The following CA2 variants were observed in gnomAD, a reference collection of about 807,000 sequenced individuals.
CA2 encodes carbonic anhydrase 2.
A neutral mutation model predicts 27.8 loss-of-function variants in CA2; 23 were observed. The observed-to-expected ratio is 0.83, with a 90% CI of 0.59 to 1.17. The LOEUF (loss-of-function observed/expected upper bound fraction) is 1.17. Ranked by LOEUF, CA2 falls within the 50% of genes most tolerant of loss-of-function variation. The pLI is 0.00. For missense variants in CA2, 300 were observed against 314.7 expected, an observed-to-expected ratio of 0.95 and a Z score of 0.35; for synonymous variants, 99 against 114.9, an observed-to-expected ratio of 0.86 and a Z score of 0.88.
rs549724776 is a variant in CA2, at chr8:85,469,297, C to G, written c.232+3828C>G. Among the ~76,000 whole-genome samples, 52 of 152,276 alleles carry G rather than the reference C, an allele frequency of 3.4e-4. 1 individual carries two copies. The South Asian group carries it at 0.011, about 32-fold the overall frequency. On this transcript the variant is annotated intron_variant, in intron 2 of 6. Coordinates refer to ENST00000285379, the MANE Select transcript of CA2 (RefSeq NM_000067.3). ...TCAATGAGATTTCAGCCTTCTAGAA[C>G]TTCTCATAGATTGAGGTTTTCCAAT...
intron 2 of CA2, among the ~76,000 whole-genome samples, chr8:85,467,865 C>G (rs368241861): frequency 6.6e-6 from 1 of 152,116 alleles, no homozygotes; most frequent in African/African-American, 2.4e-5. Flanking sequence ...CACAGGGTTT[C>G]GGTAGGAGCT....
chr8:85,477,981 G>A (rs1811830765), intron 6 of CA2, among the ~76,000 whole-genome samples: 1 of 152,172 alleles, frequency 6.6e-6, no homozygotes, highest in African/African-American at 2.4e-5. Context: ...ATAGCTTTAG[G>A]AGCCAACAGT....
In CA2 at chr8:85,475,800, T is replaced by A; in HGVS notation, c.447T>A (p.Val149=). ...GLAVLGIFLK[V]GSAKPGLQKV... The stretch of plus-strand genomic sequence containing the variant: ...TTGCCCTTTATGTTTTTCTTTAGGT[T>A]GGCAGCGCTAAACCGGGCCTTCAGA... Residue 149 remains valine (V), a splice_region_variant and synonymous_variant, in exon 5 of 7, where the codon GTT becomes GTA. Coordinates refer to ENST00000285379, the MANE Select transcript of CA2 (RefSeq NM_000067.3). 1 of 1,613,914 alleles carries A rather than the reference T, an allele frequency of 6.2e-7. No homozygotes were observed.
In CA2 at chr8:85,474,398, T is replaced by A; in HGVS notation, c.426T>A (p.Val142=). The part of the protein sequence containing the change: ...KAVQQPDGLA[V]LGIFLKVGSA... Reference sequence around the variant, plus strand: ...TGCAGCAACCTGATGGACTGGCCGTTCTAGGTATTTTTTTGAAGGTTAGTT... The same window carrying A: ...TGCAGCAACCTGATGGACTGGCCGTACTAGGTATTTTTTTGAAGGTTAGTT... Residue 142 remains valine (V), a synonymous_variant, in exon 4 of 7, where the codon GTT becomes GTA. Coordinates refer to ENST00000285379, the MANE Select transcript of CA2 (RefSeq NM_000067.3). 1.2e-6 allele frequency: 2 copies of A among 1,613,746 alleles called. No individual in the cohort carries two copies. Among genetic ancestry groups the A allele is most frequent in the Non-Finnish European group, 1.7e-6 (2 of 1,179,620 alleles).
intron 2 of CA2, among the ~76,000 whole-genome samples, chr8:85,469,880 A>C (rs1811689773): frequency 6.6e-6 from 1 of 152,140 alleles, no homozygotes; most frequent in African/African-American, 2.4e-5. Context: ...CATTGTCTGT[A>C]TGACGTAATG....
intron 5 of CA2, among the ~76,000 whole-genome samples, 171 bp downstream of exon 5, chr8:85,476,031 A>C (rs980847377): frequency 2.0e-5 from 3 of 152,216 alleles, no homozygotes; most frequent in Non-Finnish European, 4.4e-5. Context: ...TCTTTCAACA[A>C]AGTTGATCCT....
intron 4 of CA2, 175 bp downstream of exon 4, chr8:85,474,591 G>A (rs1811762865): frequency 6.1e-6 from 4 of 655,544 alleles, no homozygotes; most frequent in Non-Finnish European, 8.2e-6. Context: ...GAGATGGAGG[G>A]CAGAAAGACA....
In CA2 at chr8:85,481,075, A is replaced by T. The variant is rs1011760933; in HGVS notation, c.*286A>T. ...AAAGTACCTTGACTTTGTTCACAGC[A>T]TGTAGGGTGATGAGCACTCACAATT... On this transcript the variant is annotated 3_prime_UTR_variant, in exon 7 of 7. Transcript: ENST00000285379. 9 of 378,688 alleles carry T rather than the reference A, an allele frequency of 2.4e-5. No homozygotes were observed. Among genetic ancestry groups the T allele is most frequent in the Non-Finnish European group, 5.0e-6 (1 of 199,678 alleles). The allele number at this position is 378,688 out of a possible 1,614,324, so 23.5% of individuals were successfully genotyped here. A position where few individuals can be genotyped will look rare whatever the true frequency, so the allele number is the denominator to read the frequency against.
At position 85,477,258 on chromosome 8, in the gene CA2, A is replaced by T. The variant is rs1563435565; in HGVS notation, c.646A>T (p.Ser216Cys). 3 of 1,614,108 alleles carry T rather than the reference A, an allele frequency of 1.9e-6. No individual in the cohort carries two copies. Among genetic ancestry groups the T allele is most frequent in the Middle Eastern group, 1.6e-4 (1 of 6,062 alleles). ...VTWIVLKEPI[S>C]VSSEQVLKFR... ...CTGGATTGTGCTCAAGGAACCCATCAGCGTCAGCAGCGAGCAGGTTTGTTT... is the reference window on the plus strand; with the variant it reads ...CTGGATTGTGCTCAAGGAACCCATCTGCGTCAGCAGCGAGCAGGTTTGTTT... Residue 216 changes from serine (S) to cysteine (C), a missense_variant, in exon 6 of 7, where the codon AGC becomes TGC. By Grantham distance (112) the Ser-to-Cys change is moderately radical. This residue lies in a region of CA2 where 173 missense variants were observed against 161.0 expected (regional missense o/e 1.07). Coordinates refer to ENST00000285379, the MANE Select transcript of CA2 (RefSeq NM_000067.3).
intron 2 of CA2, among the ~76,000 whole-genome samples, chr8:85,470,977 T>A (rs944098993): frequency 5.9e-5 from 9 of 152,172 alleles, no homozygotes; most frequent in South Asian, 2.1e-4. Flanking sequence ...TGCTATTTTT[T>A]AAAATTATTT....
chr8:85,479,111 G>C (rs1047213090), intron 6 of CA2, among the ~76,000 whole-genome samples: 4 of 100,186 alleles, frequency 4.0e-5, no homozygotes, highest in African/African-American at 2.8e-5. Context: ...GAGGAAGTAT[G>C]GGGGGGCGTG....
At position 85,480,677 on chromosome 8, in the gene CA2, A is replaced by G; in HGVS notation, c.671A>G (p.Lys224Arg). ...TTTTATTGTGTCTTTTAGGTGTTGA[A>G]ATTCCGTAAACTTAACTTCAATGGG... ...PISVSSEQVLKFRKLNFNGEG... is the reference protein window; with the variant it reads ...PISVSSEQVLRFRKLNFNGEG... The change falls in exon 7 of 7, where the codon AAA becomes AGA. Residue 224 changes from lysine to arginine, a missense_variant. By Grantham distance (26) the Lys-to-Arg change is conservative (BLOSUM62 2). Around this residue, in one of 3 missense-constraint regions of CA2, gnomAD observed 173 missense variants for 161.0 expected, o/e 1.07. Transcript: ENST00000285379. 1 of 1,613,362 alleles carries G rather than the reference A, an allele frequency of 6.2e-7. No individual in the cohort carries two copies. Among genetic ancestry groups the G allele is most frequent in the Non-Finnish European group, 8.5e-7 (1 of 1,179,404 alleles).
At position 85,474,381 on chromosome 8, in the gene CA2, C is replaced by A. The variant is rs373931497; in HGVS notation, c.409C>A (p.Pro137Thr). 23 of 1,613,904 alleles carry A rather than the reference C, an allele frequency of 1.4e-5. No individual in the cohort carries two copies. The African/African-American group carries it at 3.1e-4, about 22-fold the overall frequency. The change falls in exon 4 of 7, where the codon CCT (proline) becomes ACT (threonine). Residue 137 changes from proline to threonine, a missense_variant. Transcript: ENST00000285379. The part of the protein sequence containing the change: ...YGDFGKAVQQ[P>T]DGLAVLGIFL... ...GGATTTTGGGAAAGCTGTGCAGCAA[C>A]CTGATGGACTGGCCGTTCTAGGTAT... is the stretch of plus-strand genomic sequence containing the variant.
chr8:85,474,464 T>A, intron 4 of CA2, 48 bp downstream of exon 4: 3 of 1,299,142 alleles, frequency 2.3e-6, no homozygotes, highest in Non-Finnish European at 3.4e-6. Context: ...TAATAAAGAA[T>A]GACCAGACAG....
In CA2 at chr8:85,480,739, C is replaced by A; in HGVS notation, c.733C>A (p.Arg245Ser). The A allele has an allele frequency of 2.5e-6, 4 of 1,613,796 alleles. No homozygotes were observed. The highest frequency in any genetic ancestry group is 3.4e-6 in the Non-Finnish European group (4 of 1,179,762). The change falls in exon 7 of 7, where the codon CGC becomes AGC. Residue 245 changes from arginine to serine, a missense_variant. Arg to Ser is a moderately radical substitution (Grantham distance 110). This residue lies in a region of CA2 where 173 missense variants were observed against 161.0 expected (regional missense o/e 1.07). Coordinates refer to ENST00000285379, the MANE Select transcript of CA2 (RefSeq NM_000067.3). ...CGAAGAACTGATGGTGGACAACTGG[C>A]GCCCAGCTCAGCCACTGAAGAACAG... ...EPEELMVDNW[R>S]PAQPLKNRQI...
Position 85,480,993 on chromosome 8 carries a change from CTTTG to C in CA2, c.*208_*211del. On this transcript the variant is annotated 3_prime_UTR_variant, in exon 7 of 7. Coordinates refer to ENST00000285379, the MANE Select transcript of CA2 (RefSeq NM_000067.3). ...ACACAACTGCTGTGGCTGGTTGGTGCTTTGTTTATGGTAGTAGTTTTTCTGTAAC... is the reference window on the plus strand; with the variant it reads ...ACACAACTGCTGTGGCTGGTTGGTGCTTTATGGTAGTAGTTTTTCTGTAAC... 1 of 582,188 alleles carries C rather than the reference CTTTG, an allele frequency of 1.7e-6. No homozygotes were observed. Among genetic ancestry groups the C allele is most frequent in the East Asian group, 3.1e-5 (1 of 32,546 alleles). 36.1% of individuals were successfully genotyped at this position (582,188 alleles called of 1,614,324 possible).
At chr8:85,473,468 G>C (rs1454876108) in intron 2 of CA2, 1 of 655,400 alleles carries the variant, frequency 1.5e-6, no homozygotes, top group East Asian at 3.1e-5. Context: ...AATAAAAACA[G>C]GTAAAGTGAT....
intron 4 of CA2, among the ~76,000 whole-genome samples, chr8:85,475,187 CAAACAAAAAAACAAAACAA>C (rs1288136014): frequency 6.6e-6 from 1 of 151,268 alleles, no homozygotes; most frequent in Non-Finnish European, 1.5e-5. Flanking sequence ...AACAAACTAA[CAAACAAAAAAACAAAACAA>C]AAACAAAAAC....
chr8:85,475,896 C>A (rs371514324), intron 5 of CA2, 36 bp downstream of exon 5: 154 of 1,499,806 alleles, frequency 1.0e-4, no homozygotes, highest in Admixed American at 1.2e-4. Context: ...CTTAGGGTAC[C>A]AATTTTCAAT....
Sources: gnomAD v4.1 joint callset for allele counts (sites outside exome capture counted in the v4.1 genomes callset) on GRCh38, gnomAD v4.1.1 for gene constraint, gnomAD v4.1.1 regional missense constraint, MANE v1.5 for transcripts, NCBI Gene and HGNC (gene_info 2026-07-23, HGNC 2026-07-21) for gene names.